The following VPS8 variants were observed in gnomAD, a reference collection of about 807,000 sequenced individuals.
The protein encoded by VPS8 is vacuolar protein sorting-associated protein 8 homolog.
In VPS8, 129 loss-of-function variants were observed where a neutral mutation model predicts 216.4. The ratio of observed to expected loss-of-function variants is 0.60; its 90% CI spans 0.52 to 0.69. The LOEUF is 0.69. Among genes scored for constraint, VPS8 ranks in the 30% least tolerant of loss-of-function variants. The pLI is 0.00. For missense variants in VPS8, 1,531 were observed against 1,683.5 expected (o/e 0.91, Z 1.59); for synonymous variants, 571 against 565.4 (o/e 1.01, Z -0.14).
intron 21 of VPS8, among the ~76,000 whole-genome samples, chr3:184,881,867 T>C (rs1578051918): frequency 6.6e-6 from 1 of 152,046 alleles, no homozygotes; most frequent in East Asian, 1.9e-4. Context: ...TTTTAAATGG[T>C]ATTGAATTTC....
At chr3:184,869,254 T>A (rs1727913178) in intron 19 of VPS8, among the ~76,000 whole-genome samples, 1 of 152,250 alleles carries the variant, frequency 6.6e-6, no homozygotes, top group Non-Finnish European at 1.5e-5. Context: ...TAAAATTATT[T>A]TGTAAGGAAA....
chr3:184,950,216 CTTTTTT>C (rs10700220), intron 36 of VPS8, among the ~76,000 whole-genome samples: 8 of 39,930 alleles, frequency 2.0e-4, no homozygotes, highest in South Asian at 2.0e-3. Flanking sequence ...CAGTTTTCTG[CTTTTTT>C]TTTTTTTTTT....
chr3:184,870,746 C>G lies in VPS8; in HGVS notation c.1675C>G (p.Arg559Gly), dbSNP rs1468155803. Residue 559 changes from arginine (R) to glycine (G), a missense_variant, in exon 21 of 48, where the codon CGA (arginine) becomes GGA (glycine). Arg to Gly is a moderately radical substitution (Grantham distance 125, BLOSUM62 -2). Coordinates refer to ENST00000625842, the MANE Select transcript of VPS8 (RefSeq NM_001009921.3). ...AGAAATCCTATTCCATTATGCAGAT[C>G]GAGCTCTGAAAAAGTGCCCAGACCA... is the stretch of plus-strand genomic sequence containing the variant. ...MVEILFHYAD[R>G]ALKKCPDQGK... 19 of 1,612,222 alleles carry G rather than the reference C, an allele frequency of 1.2e-5. No individual in the cohort carries two copies. Among genetic ancestry groups the G allele is most frequent in the Admixed American group, 1.7e-5 (1 of 59,790 alleles).
intron 45 of VPS8, among the ~76,000 whole-genome samples, chr3:185,014,558 G>A (rs1755515881): frequency 6.6e-6 from 1 of 152,134 alleles, no homozygotes; most frequent in Non-Finnish European, 1.5e-5. Context: ...CAGTTATTCT[G>A]CTTCTGTCTT....
chr3:185,000,682 C>A (rs1327310588), intron 45 of VPS8, among the ~76,000 whole-genome samples: 1 of 150,156 alleles, frequency 6.7e-6, no homozygotes, highest in African/African-American at 2.5e-5. Context: ...GATCTCAGCT[C>A]ACTGCAAGCT....
At chr3:184,898,513 A>C in intron 23 of VPS8, 52 bp from the exon 24 acceptor site, 1 of 1,388,646 alleles carries the variant, frequency 7.2e-7, no homozygotes, top group Non-Finnish European at 9.9e-7. Flanking sequence ...AGCATTAAGG[A>C]AAATAATTGG....
intron 28 of VPS8, among the ~76,000 whole-genome samples, chr3:184,918,736 A>T (rs1035616760): frequency 6.6e-6 from 1 of 152,188 alleles, no homozygotes; most frequent in Non-Finnish European, 1.5e-5. Context: ...GTTGAATAGC[A>T]TTTATATTAG....
intron 25 of VPS8, among the ~76,000 whole-genome samples, chr3:184,902,784 C>T (rs1021823594): frequency 5.3e-5 from 8 of 150,454 alleles, no homozygotes; most frequent in South Asian, 4.2e-4. Flanking sequence ...GAGCCGAGAT[C>T]GCGCCACTGT....
chr3:184,973,082 A>G (rs949259343), intron 40 of VPS8, among the ~76,000 whole-genome samples: 1 of 152,236 alleles, frequency 6.6e-6, no homozygotes, highest in African/African-American at 2.4e-5. Context: ...TAAATTGTGT[A>G]TAACAAGCCT....
chr3:184,956,068 T>G (rs961999637), intron 36 of VPS8, among the ~76,000 whole-genome samples: 1 of 152,208 alleles, frequency 6.6e-6, no homozygotes, highest in Non-Finnish European at 1.5e-5. Context: ...GCAGCAGAAT[T>G]TTTTTAGTTT....
chr3:184,886,243 T>C lies in VPS8; in HGVS notation c.1781+87T>C, dbSNP rs922329185. 6.6e-6 allele frequency: 8 copies of C among 1,209,624 alleles called. No individual in the cohort carries two copies. In the African/African-American group the frequency reaches 1.2e-4, roughly 18 times the overall value. 74.9% of individuals were successfully genotyped at this position (1,209,624 alleles called of 1,614,324 possible). A position where few individuals can be genotyped will look rare whatever the true frequency, so the allele number is the denominator to read the frequency against. ...GCCATTGCTAAGAATTCTATGAATT[T>C]GACTGAATAGATTTAAAAATATTAA... is the stretch of plus-strand genomic sequence containing the variant. On this transcript the variant is annotated intron_variant, in intron 22 of 47. Transcript: ENST00000625842.
chr3:185,038,948 G>A (rs1467589334), intron 46 of VPS8, among the ~76,000 whole-genome samples: 1 of 152,194 alleles, frequency 6.6e-6, no homozygotes, highest in Non-Finnish European at 1.5e-5. Flanking sequence ...CCAGAAGAAG[G>A]GAACCCCCAT....
intron 45 of VPS8, among the ~76,000 whole-genome samples, chr3:185,010,258 A>G (rs1389810093): frequency 1.3e-5 from 2 of 152,238 alleles, no homozygotes; most frequent in African/African-American, 2.4e-5. Context: ...TTTTAACCAT[A>G]TCGCAGAACA....
chr3:184,825,987 A>G (rs1182231556), intron 2 of VPS8, among the ~76,000 whole-genome samples, 176 bp from the exon 3 acceptor site: 1 of 151,954 alleles, frequency 6.6e-6, no homozygotes, highest in Non-Finnish European at 1.5e-5. Flanking sequence ...GAACGTGTAG[A>G]TAGGAAAGGA....
At chr3:184,869,609 G>C (rs1263726976) in intron 20 of VPS8, 81 bp downstream of exon 20, 2 of 1,364,764 alleles carry the variant, frequency 1.5e-6, no homozygotes, top group Middle Eastern at 1.8e-4. Context: ...GGCATGAGTA[G>C]ATAAATGGCT....
rs149558323 is a variant in VPS8 at position 184,963,301 on chromosome 3, A to T, written c.3184-1167A>T. Reference sequence around the variant, plus strand: ...GAGAACTGACATCTCTGTAGTGTTGATTCTTCTCTTTCAGGAAAATGTATG... The same window carrying T: ...GAGAACTGACATCTCTGTAGTGTTGTTTCTTCTCTTTCAGGAAAATGTATG... On this transcript the variant is annotated intron_variant, in intron 37 of 47. Coordinates refer to ENST00000625842, the MANE Select transcript of VPS8 (RefSeq NM_001009921.3). Among the ~76,000 whole-genome samples the T allele has an allele frequency of 8.7e-3, 1,326 of 152,176 alleles. 19 individuals are homozygous for T. Among genetic ancestry groups the T allele is most frequent in the African/African-American group, 0.025 (1,028 of 41,548 alleles).
At position 184,915,865 on chromosome 3, in the gene VPS8, T is replaced by C. The variant is rs79310910; in HGVS notation, c.2382+391T>C. ...TAATAGAAAAATCCCATAATTCTTA[T>C]GCAGGTACAGTTTTTATGCACTAGC... On this transcript the variant is annotated intron_variant, in intron 28 of 47. Transcript: ENST00000625842. Among the ~76,000 whole-genome samples the C allele has an allele frequency of 2.6e-5, 4 of 152,312 alleles. No individual in the cohort carries two copies. The East Asian group carries it at 7.7e-4, about 29-fold the overall frequency.
chr3:184,936,680 C>G (rs962148957), intron 35 of VPS8, among the ~76,000 whole-genome samples: 1 of 151,730 alleles, frequency 6.6e-6, no homozygotes, highest in African/African-American at 2.4e-5. Flanking sequence ...TCCTAGAAAT[C>G]CTAATCCACA....
intron 22 of VPS8, among the ~76,000 whole-genome samples, chr3:184,889,632 C>A (rs1027433666): frequency 2.0e-5 from 3 of 152,052 alleles, no homozygotes; most frequent in Non-Finnish European, 4.4e-5. Flanking sequence ...CTCCTTGTCT[C>A]TTTCCCTAAT....
Sources: gnomAD v4.1 joint callset for allele counts (sites outside exome capture counted in the v4.1 genomes callset) on GRCh38, gnomAD v4.1.1 for gene constraint, MANE v1.5 for transcripts, NCBI Gene and HGNC (gene_info 2026-07-23, HGNC 2026-07-21) for gene names.